The following DPP10 variants were observed in gnomAD, a reference collection of about 807,000 sequenced individuals.
DPP10 encodes dipeptidyl peptidase like 10.
In DPP10, 33 loss-of-function variants were observed where a neutral mutation model predicts 120.9. That is an observed-to-expected ratio of 0.27 (90% confidence interval 0.21 to 0.37). The LOEUF is 0.37. Ranked by LOEUF, DPP10 falls within the 10% of genes least tolerant of loss-of-function variation. The probability of loss-of-function intolerance (pLI) is 1.00; values close to 1 mark genes in which losing one functional copy is unlikely to be tolerated. For synonymous variants in DPP10, 337 were observed against 326.1 expected (o/e 1.03, Z -0.36); for missense variants, 816 against 942.8 (o/e 0.87, Z 1.76).
At chr2:115,491,681 T>C (rs1489343692) in intron 3 of DPP10, among the ~76,000 whole-genome samples, 5 of 152,106 alleles carry the variant, frequency 3.3e-5, no homozygotes, top group Non-Finnish European at 5.9e-5. Flanking sequence ...GGAATGTTTC[T>C]GGTTGGAGAT....
intron 1 of DPP10, among the ~76,000 whole-genome samples, chr2:115,115,343 T>G (rs1181519486): frequency 6.6e-6 from 1 of 152,126 alleles, no homozygotes; most frequent in African/African-American, 2.4e-5. Flanking sequence ...TGACAACCAT[T>G]GCTAGCATAA....
In DPP10 at chr2:114,519,896, T is replaced by A. The variant is rs555179743; in HGVS notation, c.60+77058T>A. ...TACTCATTCACCTGTGGGATTTACA[T>A]GAGGTTATTTCACATTCCTCTTCAT... On this transcript the variant is annotated intron_variant, in intron 1 of 25. Coordinates refer to ENST00000410059, the MANE Select transcript of DPP10 (RefSeq NM_020868.6). Among the ~76,000 whole-genome samples, 14 of 152,386 alleles carry A rather than the reference T, an allele frequency of 9.2e-5. No homozygotes were observed. In the East Asian group the frequency reaches 2.7e-3, roughly 29 times the overall value.
intron 1 of DPP10, among the ~76,000 whole-genome samples, chr2:114,815,756 A>G (rs1685590140): frequency 6.6e-6 from 1 of 152,034 alleles, no homozygotes; most frequent in Non-Finnish European, 1.5e-5. Context: ...GGTGCACTGA[A>G]AACTGTCAAT....
chr2:115,627,136 T>G (rs1202011290), intron 5 of DPP10, among the ~76,000 whole-genome samples: 3 of 152,054 alleles, frequency 2.0e-5, no homozygotes, highest in East Asian at 3.9e-4. Context: ...CAAGAGTACA[T>G]AGTAATACAA....
intron 3 of DPP10, among the ~76,000 whole-genome samples, chr2:115,369,567 C>A (rs2065277154): frequency 6.6e-6 from 1 of 151,984 alleles, no homozygotes; most frequent in Non-Finnish European, 1.5e-5. Flanking sequence ...GCAAATATTT[C>A]CAGTAAAATG....
intron 3 of DPP10, among the ~76,000 whole-genome samples, chr2:115,464,318 C>G (rs779448580): frequency 3.3e-5 from 5 of 152,006 alleles, no homozygotes; most frequent in Non-Finnish European, 7.4e-5. Context: ...TATATGCTAT[C>G]CTTCTACCTT....
chr2:115,153,689 A>G (rs1320709236), intron 1 of DPP10, among the ~76,000 whole-genome samples: 1 of 152,046 alleles, frequency 6.6e-6, no homozygotes, highest in Non-Finnish European at 1.5e-5. Context: ...GCCAAGCCTG[A>G]TTTTACCTTT....
chr2:114,684,336 G>A (rs1026567549), intron 1 of DPP10, among the ~76,000 whole-genome samples: 2 of 151,924 alleles, frequency 1.3e-5, no homozygotes, highest in Non-Finnish European at 2.9e-5. Context: ...ACTTCACTGT[G>A]GTGCTCAGTG....
At chr2:114,557,848 A>T (rs1374122518) in intron 1 of DPP10, among the ~76,000 whole-genome samples, 1 of 152,156 alleles carries the variant, frequency 6.6e-6, no homozygotes, top group Non-Finnish European at 1.5e-5. Context: ...ACCTAATTTG[A>T]TCCTTATCTC....
At chr2:114,966,661 C>T (rs1010334167) in intron 1 of DPP10, among the ~76,000 whole-genome samples, 2 of 152,220 alleles carry the variant, frequency 1.3e-5, no homozygotes, top group African/African-American at 4.8e-5. Flanking sequence ...CAGCACCACA[C>T]ACAACAATGC....
intron 1 of DPP10, among the ~76,000 whole-genome samples, chr2:114,599,323 C>T (rs1004100252): frequency 1.3e-5 from 2 of 151,238 alleles, no homozygotes; most frequent in Non-Finnish European, 3.0e-5. Flanking sequence ...TAATTCACAA[C>T]CTTTGAGGCT....
intron 3 of DPP10, among the ~76,000 whole-genome samples, chr2:115,381,372 C>A (rs921200979): frequency 6.6e-6 from 1 of 152,190 alleles, no homozygotes; most frequent in African/African-American, 2.4e-5. Flanking sequence ...GCACTCTTCA[C>A]GTAGTTCTCC....
intron 5 of DPP10, among the ~76,000 whole-genome samples, chr2:115,544,386 G>C (rs184494097): frequency 1.3e-5 from 2 of 151,310 alleles, no homozygotes; most frequent in African/African-American, 2.4e-5. Context: ...TTTTCATGCC[G>C]AGATCAATTT....
intron 5 of DPP10, among the ~76,000 whole-genome samples, chr2:115,584,370 A>G (rs913803384): frequency 3.3e-5 from 5 of 152,200 alleles, no homozygotes; most frequent in Admixed American, 1.3e-4. Flanking sequence ...ATCTGCAAGC[A>G]ATAAAATAAA....
chr2:115,745,755 A>AGTTT lies in DPP10; in HGVS notation c.853-304_853-301dup, dbSNP rs368358143. On this transcript the variant is annotated intron_variant, in intron 9 of 25. Transcript: ENST00000410059. The stretch of plus-strand genomic sequence containing the variant: ...AATGTGAATAACTACTTGATCTACT[A>AGTTT]GTTTGTTTGTTTGTTTGTTTGTTTG... Among the ~76,000 whole-genome samples the AGTTT allele has an allele frequency of 4.7e-3, 653 of 140,016 alleles. 14 individuals carry two copies. Among genetic ancestry groups the AGTTT allele is most frequent in the East Asian group, 7.8e-3 (40 of 5,126 alleles). 91.9% of individuals were successfully genotyped at this position (140,016 alleles called of 152,430 possible).
chr2:114,810,871 T>C (rs1198388311), intron 1 of DPP10, among the ~76,000 whole-genome samples: 1 of 152,192 alleles, frequency 6.6e-6, no homozygotes, highest in African/African-American at 2.4e-5. Context: ...TCTTTATTTA[T>C]CAATGAAACT....
chr2:115,791,894 C>A (rs1393824448), intron 19 of DPP10, among the ~76,000 whole-genome samples: 2 of 152,150 alleles, frequency 1.3e-5, no homozygotes, highest in Admixed American at 6.5e-5. Flanking sequence ...AGGCCCCTAA[C>A]ATCTAATGCG....
intron 2 of DPP10, among the ~76,000 whole-genome samples, chr2:115,321,515 GTTT>G (rs35046366): frequency 1.6e-5 from 2 of 121,592 alleles, no homozygotes; most frequent in African/African-American, 6.2e-5. Flanking sequence ...TTTTTTTAGT[GTTT>G]TTTTTTTTTT....
chr2:115,257,652 A>C (rs1446508536), intron 1 of DPP10, among the ~76,000 whole-genome samples: 1 of 152,206 alleles, frequency 6.6e-6, no homozygotes, highest in Non-Finnish European at 1.5e-5. Flanking sequence ...CCATATATCC[A>C]AACTGTGTCA....
Sources: allele counts gnomAD v4.1 joint callset (sites outside exome capture counted in the v4.1 genomes callset), GRCh38; gene constraint gnomAD v4.1.1; transcripts MANE v1.5; gene names NCBI Gene and HGNC (gene_info 2026-07-23, HGNC 2026-07-21).